Variants in PICALM observed in about 807,000 individuals in gnomAD.
The protein encoded by PICALM is phosphatidylinositol-binding clathrin assembly protein.
PICALM carries 40 observed loss-of-function variants against 80.5 expected under a neutral mutation model. The ratio of observed to expected loss-of-function variants is 0.50; its 90% confidence interval spans 0.39 to 0.65. The LOEUF (loss-of-function observed/expected upper bound fraction) is 0.65, where lower values mean the gene tolerates loss of function less well. Ranked by LOEUF, PICALM falls within the 30% of genes least tolerant of loss-of-function variation. PICALM has a pLI of 0.00. For missense variants in PICALM, 676 were observed against 778.9 expected, an observed-to-expected ratio of 0.87 and a Z score of 1.57; for synonymous variants, 288 against 260.3, an observed-to-expected ratio of 1.11 and a Z score of -1.02.
At chr11:86,062,863 A>G (rs1028454081) in intron 1 of PICALM, among the ~76,000 whole-genome samples, 6 of 152,222 alleles carry the variant, frequency 3.9e-5, no homozygotes, top group Non-Finnish European at 7.3e-5. Flanking sequence ...GGAACATACT[A>G]AGACAGAACA....
chr11:86,046,688 G>C (rs931662842), intron 1 of PICALM, among the ~76,000 whole-genome samples: 3 of 152,096 alleles, frequency 2.0e-5, no homozygotes, highest in Non-Finnish European at 4.4e-5. Flanking sequence ...CTTAAGAGTG[G>C]CAAAATCTTT....
intron 17 of PICALM, among the ~76,000 whole-genome samples, chr11:85,979,779 C>A (rs1260400090): frequency 1.3e-5 from 2 of 152,220 alleles, no homozygotes; most frequent in African/African-American, 4.8e-5. Flanking sequence ...AACAGGACAG[C>A]TGTCAGTAAC....
Position 86,027,087 on chromosome 11 carries a change from T to C in PICALM, c.274-720A>G, listed in dbSNP as rs555781103. Reference sequence around the variant, plus strand: ...AAGAATTGTCCCACTTAACATTTCATCTTAAATGATGTTCTAATATTCTAA... The same window carrying C: ...AAGAATTGTCCCACTTAACATTTCACCTTAAATGATGTTCTAATATTCTAA... On this transcript the variant is annotated intron_variant, in intron 2 of 19. Transcript: ENST00000393346. 1.4e-3 allele frequency among the ~76,000 whole-genome samples: 207 copies of C among 152,372 alleles called. 1 individual carries two copies. The highest frequency in any genetic ancestry group is 4.9e-3 in the African/African-American group (202 of 41,584).
At chr11:86,014,146 T>G (rs1444453223) in intron 5 of PICALM, among the ~76,000 whole-genome samples, 1 of 152,186 alleles carries the variant, frequency 6.6e-6, no homozygotes, top group Non-Finnish European at 1.5e-5. Context: ...AGAACAAAAG[T>G]GACCTAGTTC....
In PICALM at chr11:85,958,622, A is replaced by T. The variant is rs2135215676; in HGVS notation, c.*424T>A. The T allele has an allele frequency of 4.3e-6, 1 of 232,038 alleles. No individual in the cohort carries two copies. The highest frequency in any genetic ancestry group is 6.4e-5 in the East Asian group (1 of 15,596). The allele number at this position is 232,038 out of a possible 1,614,324, so 14.4% of individuals were successfully genotyped here. A position where few individuals can be genotyped will look rare whatever the true frequency, so the allele number is the denominator to read the frequency against. The stretch of plus-strand genomic sequence containing the variant: ...ACTGGAGAAAAGAAAGATAATGCAT[A>T]ATTAGGAATTTTAATTTTGATCCCC... On this transcript the variant is annotated 3_prime_UTR_variant, in exon 20 of 20. Coordinates refer to ENST00000393346, the MANE Select transcript of PICALM (RefSeq NM_007166.4).
intron 1 of PICALM, among the ~76,000 whole-genome samples, chr11:86,059,158 C>G (rs1264311249): frequency 1.3e-5 from 2 of 152,168 alleles, no homozygotes; most frequent in East Asian, 1.9e-4. Flanking sequence ...CCTTAAATGT[C>G]TACTGGCATA....
chr11:85,983,398 A>C (rs148992159), intron 14 of PICALM, among the ~76,000 whole-genome samples: 89 of 152,274 alleles, frequency 5.8e-4, no homozygotes, highest in African/African-American at 2.1e-3. Context: ...TCCTGTACCC[A>C]CAGGCCTGAT....
At position 86,068,956 on chromosome 11, in the gene PICALM, C is replaced by G; in HGVS notation, c.-176G>C. On this transcript the variant is annotated 5_prime_UTR_variant, in exon 1 of 20. Transcript: ENST00000393346. The stretch of plus-strand genomic sequence containing the variant: ...CTGCCACCAGTCCAGAGAGAACCGG[C>G]TCGTGTCACCCGCGGAGTCGGACAA... 1 of 755,582 alleles carries G rather than the reference C, an allele frequency of 1.3e-6. No homozygotes were observed. Among genetic ancestry groups the G allele is most frequent in the Non-Finnish European group, 2.0e-6 (1 of 489,322 alleles). The allele number at this position is 755,582 out of a possible 1,614,324, so 46.8% of individuals were successfully genotyped here. A position where few individuals can be genotyped will look rare whatever the true frequency, so the allele number is the denominator to read the frequency against.
intron 6 of PICALM, 54 bp downstream of exon 6, chr11:86,012,227 G>T: frequency 1.1e-6 from 1 of 943,452 alleles, no homozygotes; most frequent in Non-Finnish European, 1.7e-6. Context: ...AGTCAATATT[G>T]TTTATCCATA....
At chr11:85,964,563 C>T (rs1190967973) in intron 19 of PICALM, among the ~76,000 whole-genome samples, 1 of 152,190 alleles carries the variant, frequency 6.6e-6, no homozygotes, top group African/African-American at 2.4e-5. Context: ...TATTAAGTAG[C>T]TCAAATATTC....
intron 8 of PICALM, 166 bp downstream of exon 8, chr11:86,007,376 C>T (rs966728323): frequency 2.3e-5 from 10 of 440,014 alleles, no homozygotes; most frequent in African/African-American, 1.7e-4. Context: ...GATCATTTTA[C>T]GTGGTCATAG....
rs1248270594 is a variant in PICALM at position 86,000,635 on chromosome 11, A to G, written c.1154+8T>C. 1 of 1,609,680 alleles carries G rather than the reference A, an allele frequency of 6.2e-7. No homozygotes were observed. Among genetic ancestry groups the G allele is most frequent in the African/African-American group, 1.3e-5 (1 of 74,738 alleles). On this transcript the variant is annotated splice_region_variant and intron_variant, in intron 11 of 19. Coordinates refer to ENST00000393346, the MANE Select transcript of PICALM (RefSeq NM_007166.4). The stretch of plus-strand genomic sequence containing the variant: ...ATATTCAAAGGTAACCTTAACTTCT[A>G]CTCCTACCTGTTAGAAGAACTAGGG...
At chr11:86,046,713 ATTTC>A (rs1018654625) in intron 1 of PICALM, among the ~76,000 whole-genome samples, 8 of 152,122 alleles carry the variant, frequency 5.3e-5, no homozygotes, top group Non-Finnish European at 1.2e-4. Flanking sequence ...TGCACATATG[ATTTC>A]TTTCTTTCTT....
chr11:85,985,336 G>A (rs1445660709), intron 13 of PICALM, among the ~76,000 whole-genome samples: 1 of 151,990 alleles, frequency 6.6e-6, no homozygotes, highest in Non-Finnish European at 1.5e-5. Context: ...TATTAGCAAA[G>A]AACCATACAA....
intron 3 of PICALM, among the ~76,000 whole-genome samples, chr11:86,023,912 C>T (rs1343400629): frequency 6.6e-6 from 1 of 152,008 alleles, no homozygotes; most frequent in Non-Finnish European, 1.5e-5. Flanking sequence ...TCGCTTTAGA[C>T]CAAGAGTTCA....
chr11:86,014,452 A>T (rs2095447785), intron 5 of PICALM, among the ~76,000 whole-genome samples: 1 of 152,226 alleles, frequency 6.6e-6, no homozygotes, highest in Non-Finnish European at 1.5e-5. Context: ...TAGCTACATA[A>T]TAAGCTATTA....
chr11:86,029,564 TTC>T (rs1283241844), intron 2 of PICALM, among the ~76,000 whole-genome samples: 4 of 152,208 alleles, frequency 2.6e-5, no homozygotes, highest in Non-Finnish European at 4.4e-5. Flanking sequence ...ACTGTCAACT[TTC>T]TGTTTTGTCT....
At chr11:85,984,090 C>T in intron 13 of PICALM, 117 bp from the exon 14 acceptor site, 1 of 584,246 alleles carries the variant, frequency 1.7e-6, no homozygotes, top group Admixed American at 3.7e-5. Context: ...AAAAACAAAG[C>T]CAATCCTTCA....
At chr11:85,966,046 A>C (rs995136121) in intron 19 of PICALM, among the ~76,000 whole-genome samples, 5 of 151,240 alleles carry the variant, frequency 3.3e-5, no homozygotes, top group African/African-American at 1.2e-4. Context: ...CGAACTCTTG[A>C]CCTCGTGATC....
Sources: gnomAD v4.1 joint callset for allele counts (sites outside exome capture counted in the v4.1 genomes callset) on GRCh38, gnomAD v4.1.1 for gene constraint, MANE v1.5 for transcripts, NCBI Gene and HGNC (gene_info 2026-07-23, HGNC 2026-07-21) for gene names.